Variants in ADAM9 observed in about 807,000 individuals in gnomAD.
ADAM9 encodes the protein disintegrin and metalloproteinase domain-containing protein 9.
ADAM9 carries 54 observed loss-of-function variants against 108.1 expected under a neutral mutation model. The ratio of observed to expected loss-of-function variants is 0.50; its 90% confidence interval spans 0.40 to 0.63. The LOEUF is 0.63. ADAM9 is among the 20% of genes least tolerant of loss of function. The pLI, the probability that ADAM9 is intolerant of heterozygous loss-of-function variation, is 0.00. For missense variants in ADAM9, 830 were observed against 997.7 expected, an observed-to-expected ratio of 0.83 and a Z score of 2.26; for synonymous variants, 316 against 336.0, an observed-to-expected ratio of 0.94 and a Z score of 0.65.
intron 20 of ADAM9, among the ~76,000 whole-genome samples, chr8:39,099,875 G>GTTTTTTTTTT (rs111740274): frequency 1.1e-5 from 1 of 89,546 alleles, no homozygotes; most frequent in Non-Finnish European, 2.2e-5. Flanking sequence ...TATCGTGTTT[G>GTTTTTTTTTT]TTTTTTTTTT....
intron 18 of ADAM9, among the ~76,000 whole-genome samples, chr8:39,085,811 G>A (rs1839164416): frequency 6.6e-6 from 1 of 151,832 alleles, no homozygotes; most frequent in Admixed American, 6.6e-5. Context: ...GGGATTTTTT[G>A]AGCTTTTTGG....
At position 39,017,931 on chromosome 8, in the gene ADAM9, A is replaced by G. The variant is rs116450202; in HGVS notation, c.606+517A>G. 2.3e-3 allele frequency among the ~76,000 whole-genome samples: 351 copies of G among 152,358 alleles called. 4 individuals are homozygous for G. Among genetic ancestry groups the G allele is most frequent in the African/African-American group, 8.2e-3 (343 of 41,588 alleles). On this transcript the variant is annotated intron_variant, in intron 6 of 21. Coordinates refer to ENST00000487273, the MANE Select transcript of ADAM9 (RefSeq NM_003816.3). ...ATTTAGGTACCTCTTAGACAACTCAAATGGTGATTCTTGAACCCTAGATTG... is the reference window on the plus strand; with the variant it reads ...ATTTAGGTACCTCTTAGACAACTCAGATGGTGATTCTTGAACCCTAGATTG...
chr8:39,024,680 C>T (rs1836863059), intron 9 of ADAM9, among the ~76,000 whole-genome samples: 1 of 152,138 alleles, frequency 6.6e-6, no homozygotes. Context: ...GTGTATACCC[C>T]AGACACTGGG....
intron 20 of ADAM9, 140 bp downstream of exon 20, chr8:39,091,486 A>G: frequency 1.2e-6 from 1 of 823,538 alleles, no homozygotes; most frequent in Non-Finnish European, 1.9e-6. Flanking sequence ...GTGGTCCCTG[A>G]GTTTTTTGTT....
intron 9 of ADAM9, 136 bp downstream of exon 9, chr8:39,023,461 C>T: frequency 1.1e-6 from 1 of 893,822 alleles, no homozygotes; most frequent in Non-Finnish European, 1.7e-6. Flanking sequence ...CTTGATGTGG[C>T]ATTATCATGA....
chr8:39,082,672 C>G lies in ADAM9; in HGVS notation c.1913C>G (p.Ser638Cys), dbSNP rs1430932273. 1.2e-6 allele frequency: 2 copies of G among 1,607,524 alleles called. No individual in the cohort carries two copies. The highest frequency in any genetic ancestry group is 2.7e-5 in the African/African-American group (2 of 73,330). The change falls in exon 17 of 22, where the codon TCT becomes TGT. Residue 638 changes from serine (S) to cysteine (C), a missense_variant. Transcript: ENST00000487273. ...AGAAACTTCCAGTGTGTAGATGCTT[C>G]TGTTCTGAATTATGACTGTGATGTT... ...ICRNFQCVDASVLNYDCDVQK... is the reference protein window; with the variant it reads ...ICRNFQCVDACVLNYDCDVQK...
At chr8:39,035,899 TTC>T (rs1200673607) in intron 11 of ADAM9, among the ~76,000 whole-genome samples, 1 of 152,190 alleles carries the variant, frequency 6.6e-6, no homozygotes, top group African/African-American at 2.4e-5. Context: ...ACATATTTTT[TTC>T]TCTTATTTTT....
At chr8:39,038,521 C>T (rs968294851) in intron 11 of ADAM9, among the ~76,000 whole-genome samples, 4 of 152,088 alleles carry the variant, frequency 2.6e-5, no homozygotes, top group African/African-American at 7.2e-5. Flanking sequence ...CACACCCCGT[C>T]GCCTTTTTTC....
At chr8:39,070,152 C>CAAAAAAA (rs5891052) in intron 14 of ADAM9, among the ~76,000 whole-genome samples, 1 of 81,422 alleles carries the variant, frequency 1.2e-5, no homozygotes, top group Non-Finnish European at 2.4e-5. Context: ...GACTCTGTCT[C>CAAAAAAA]AAAAAAAAAA....
intron 2 of ADAM9, among the ~76,000 whole-genome samples, chr8:39,010,583 A>G (rs1836322942): frequency 6.6e-6 from 1 of 152,196 alleles, no homozygotes; most frequent in South Asian, 2.1e-4. Flanking sequence ...CTTTTTTATT[A>G]AAGAGTTAAG....
chr8:39,030,992 A>G (rs941465284), intron 11 of ADAM9, among the ~76,000 whole-genome samples: 1 of 152,172 alleles, frequency 6.6e-6, no homozygotes, highest in Admixed American at 6.5e-5. Flanking sequence ...CTTTTATCAA[A>G]TATGTCTTTT....
intron 18 of ADAM9, among the ~76,000 whole-genome samples, chr8:39,083,676 T>G (rs1417812061): frequency 6.6e-6 from 1 of 152,234 alleles, no homozygotes; most frequent in Non-Finnish European, 1.5e-5. Context: ...AAATCTAAAT[T>G]ATCATTTCCT....
chr8:39,008,190 A>G (rs62504418), intron 2 of ADAM9, among the ~76,000 whole-genome samples: 1 of 151,578 alleles, frequency 6.6e-6, no homozygotes, highest in Non-Finnish European at 1.5e-5. Context: ...TTTTTTTAAA[A>G]TGGAGTCTTG....
At chr8:39,006,880 A>G (rs758597501) in intron 1 of ADAM9, among the ~76,000 whole-genome samples, 14 of 152,196 alleles carry the variant, frequency 9.2e-5, no homozygotes, top group East Asian at 3.9e-4. Flanking sequence ...ATTAATGGCT[A>G]TAATTTGAAA....
intron 20 of ADAM9, among the ~76,000 whole-genome samples, chr8:39,097,411 A>T (rs1839543736): frequency 6.6e-6 from 1 of 150,978 alleles, no homozygotes. Context: ...GGTTCAAGCA[A>T]TTCTCCTGCC....
At chr8:39,079,792 C>A (rs1326225984) in intron 16 of ADAM9, among the ~76,000 whole-genome samples, 1 of 152,118 alleles carries the variant, frequency 6.6e-6, no homozygotes, top group Non-Finnish European at 1.5e-5. Context: ...GCCATATTGG[C>A]CAGACTGGTC....
chr8:39,100,264 C>T (rs1163128638), intron 20 of ADAM9, among the ~76,000 whole-genome samples: 2 of 151,408 alleles, frequency 1.3e-5, no homozygotes, highest in African/African-American at 2.4e-5. Context: ...CTGAGGTGGG[C>T]GGATCATGAG....
chr8:39,005,794 G>A (rs1836143099), intron 1 of ADAM9, among the ~76,000 whole-genome samples: 1 of 152,160 alleles, frequency 6.6e-6, no homozygotes, highest in African/African-American at 2.4e-5. Context: ...GGATATGATG[G>A]GTAGCAAAAT....
chr8:39,035,296 T>A (rs550458538), intron 11 of ADAM9, among the ~76,000 whole-genome samples: 31 of 152,352 alleles, frequency 2.0e-4, no homozygotes, highest in African/African-American at 7.5e-4. Context: ...TCAAATCTGA[T>A]ATATTAGTTT....
Sources: gnomAD v4.1 joint callset for allele counts (sites outside exome capture counted in the v4.1 genomes callset) on GRCh38, gnomAD v4.1.1 for gene constraint, MANE v1.5 for transcripts, NCBI Gene and HGNC (gene_info 2026-07-23, HGNC 2026-07-21) for gene names.